The following PCDHA8 variants were observed in gnomAD, a reference collection of about 807,000 sequenced individuals.
The protein encoded by PCDHA8 is protocadherin alpha 8, also known as protocadherin alpha-8.
Under a neutral mutation model 61.8 loss-of-function variants are expected in PCDHA8, and 53 were observed. That is an observed-to-expected ratio of 0.86 (90% CI 0.69 to 1.08). PCDHA8 has a LOEUF of 1.08. PCDHA8 is among the 50% of genes least tolerant of loss of function. The pLI is 0.00. For missense variants in PCDHA8, 1,293 were observed against 1,245.0 expected (o/e 1.04, Z -0.58); for synonymous variants, 618 against 556.6 (o/e 1.11, Z -1.55).
chr5:140,983,768 T>G (rs1236827804), intron 3 of PCDHA8, among the ~76,000 whole-genome samples: 2 of 152,196 alleles, frequency 1.3e-5, no homozygotes, highest in African/African-American at 4.8e-5. Context: ...CAAATACATA[T>G]CTACATACAT....
At chr5:140,977,978 G>A (rs1401757319) in intron 1 of PCDHA8, among the ~76,000 whole-genome samples, 2 of 152,048 alleles carry the variant, frequency 1.3e-5, no homozygotes, top group Non-Finnish European at 2.9e-5. Flanking sequence ...CCATGAAAAC[G>A]CATCTAGAGG....
intron 3 of PCDHA8, 116 bp downstream of exon 3, chr5:140,982,679 C>T: frequency 7.0e-7 from 1 of 1,436,546 alleles, no homozygotes; most frequent in Non-Finnish European, 9.2e-7. Flanking sequence ...TTGTTATTCC[C>T]TTTTTTCCAT....
At chr5:140,878,110 AC>A (rs1554170303) in intron 1 of PCDHA8, 1 of 249,146 alleles carries the variant, frequency 4.0e-6, no homozygotes, top group African/African-American at 2.3e-5. Context: ...CTTGAAAAAA[AC>A]AGTATATTAG....
chr5:140,857,681 G>C lies in PCDHA8; in HGVS notation c.2394+13966G>C, dbSNP rs2044790199. 3 of 1,596,838 alleles carry C rather than the reference G, an allele frequency of 1.9e-6. No individual in the cohort carries two copies. In the African/African-American group the frequency reaches 4.0e-5, roughly 22 times the overall value. The stretch of plus-strand genomic sequence containing the variant: ...GCGCGATGGGGGCGTGCCGCCTCTG[G>C]GCAGCAACTTGACGCTGCAGGTGTT... On this transcript the variant is annotated intron_variant, in intron 1 of 3. Transcript: ENST00000531613.
chr5:140,858,664 A>G (rs972477672), intron 1 of PCDHA8: 1 of 728,612 alleles, frequency 1.4e-6, no homozygotes, highest in African/African-American at 1.8e-5. Flanking sequence ...TTTAAATAAC[A>G]ATTTATTCTG....
At chr5:140,892,553 C>T (rs2063570808) in intron 1 of PCDHA8, among the ~76,000 whole-genome samples, 1 of 152,170 alleles carries the variant, frequency 6.6e-6, no homozygotes, top group South Asian at 2.1e-4. Flanking sequence ...TTTCTCTAGT[C>T]CTTGGAGACT....
chr5:140,905,826 T>C (rs782149349), intron 1 of PCDHA8, among the ~76,000 whole-genome samples: 8 of 152,170 alleles, frequency 5.3e-5, no homozygotes, highest in Non-Finnish European at 7.3e-5. Flanking sequence ...TAGATGTGTA[T>C]ATAAAGGGGA....
intron 1 of PCDHA8, among the ~76,000 whole-genome samples, chr5:140,960,639 C>T (rs1184483884): frequency 5.9e-5 from 9 of 152,058 alleles, no homozygotes; most frequent in Admixed American, 5.9e-4. Flanking sequence ...ATTTTTAAAA[C>T]CCCTATCCAA....
In PCDHA8 at chr5:140,971,294, T is replaced by C. The variant is rs3776113; in HGVS notation, c.2395-7655T>C. Reference sequence around the variant, plus strand: ...CTGACCTGTATATTAATATGTACTTTGGTACACAAACATTTAATCTAGGGA... The same window carrying C: ...CTGACCTGTATATTAATATGTACTTCGGTACACAAACATTTAATCTAGGGA... On this transcript the variant is annotated intron_variant, in intron 1 of 3. Transcript: ENST00000531613. Among the ~76,000 whole-genome samples the C allele has an allele frequency of 6.4e-4, 97 of 152,362 alleles. No individual in the cohort carries two copies. In the East Asian group the frequency reaches 0.018, roughly 28 times the overall value.
intron 1 of PCDHA8, chr5:140,866,969 G>A (rs533294537): frequency 6.6e-6 from 1 of 152,230 alleles, no homozygotes; most frequent in South Asian, 2.1e-4. Context: ...GGTGACATCT[G>A]AAATATCACA....
At chr5:140,892,537 CTT>C (rs570429050) in intron 1 of PCDHA8, among the ~76,000 whole-genome samples, 2 of 152,252 alleles carry the variant, frequency 1.3e-5, no homozygotes, top group South Asian at 4.1e-4. Flanking sequence ...AGGATTCTGA[CTT>C]TTGTTTCTCT....
chr5:140,875,360 GA>G, intron 1 of PCDHA8: 1 of 1,447,846 alleles, frequency 6.9e-7, no homozygotes, highest in Non-Finnish European at 9.1e-7. Context: ...TGTGATGCTG[GA>G]AAAAATTTAC....
chr5:140,938,991 T>C (rs2092291799), intron 1 of PCDHA8, among the ~76,000 whole-genome samples: 2 of 152,230 alleles, frequency 1.3e-5, no homozygotes, highest in South Asian at 2.1e-4. Context: ...TGGCTTTATA[T>C]AGTAAGTTAA....
chr5:140,876,976 C>G lies in PCDHA8; in HGVS notation c.2394+33261C>G, dbSNP rs782283591. 6 of 1,612,586 alleles carry G rather than the reference C, an allele frequency of 3.7e-6. No homozygotes were observed. In the Admixed American group the frequency reaches 5.0e-5, roughly 13 times the overall value. ...GCTGGTGGAGCGGCGGGTGGGCGAG[C>G]ACGCACTGTCGAGCTACGTGTCGGT... On this transcript the variant is annotated intron_variant, in intron 1 of 3. Transcript: ENST00000531613.
intron 1 of PCDHA8, among the ~76,000 whole-genome samples, chr5:140,944,651 C>T (rs1554216459): frequency 6.6e-6 from 1 of 152,152 alleles, no homozygotes; most frequent in Non-Finnish European, 1.5e-5. Context: ...ATTGGGAGTC[C>T]ATACCCCTTA....
intron 1 of PCDHA8, among the ~76,000 whole-genome samples, chr5:140,899,745 A>G: frequency 6.6e-6 from 1 of 152,214 alleles, no homozygotes; most frequent in Non-Finnish European, 1.5e-5. Flanking sequence ...GAATAGTTTC[A>G]GAAGGAATGG....
intron 1 of PCDHA8, among the ~76,000 whole-genome samples, chr5:140,906,513 G>A (rs1398874448): frequency 1.3e-5 from 2 of 152,176 alleles, no homozygotes; most frequent in Non-Finnish European, 2.9e-5. Context: ...AAAGAAGGAG[G>A]AAATACTCAC....
intron 1 of PCDHA8, chr5:140,863,137 G>GT (rs1309983213): frequency 1.7e-6 from 1 of 604,700 alleles, no homozygotes; most frequent in Admixed American, 1.9e-5. Context: ...CCGCCTGCTG[G>GT]TGCTGGTGAA....
chr5:140,862,685 C>T (rs782248340), intron 1 of PCDHA8: 8 of 552,656 alleles, frequency 1.4e-5, no homozygotes, highest in Non-Finnish European at 1.8e-5. Flanking sequence ...GTGCTGGTGT[C>T]CTACTCGTTG....
Sources: gnomAD v4.1 joint callset for allele counts (sites outside exome capture counted in the v4.1 genomes callset) on GRCh38, gnomAD v4.1.1 for gene constraint, MANE v1.5 for transcripts, NCBI Gene and HGNC (gene_info 2026-07-23, HGNC 2026-07-21) for gene names.